SNTG1: variants seen among roughly 807,000 people sequenced by gnomAD.
The protein encoded by SNTG1 is syntrophin gamma 1.
A neutral mutation model predicts 74.7 loss-of-function variants in SNTG1; 39 were observed. The ratio of observed to expected loss-of-function variants is 0.52; its 90% CI spans 0.40 to 0.68. The LOEUF is 0.68. SNTG1 is among the 30% of genes least tolerant of loss of function. The pLI, the probability that SNTG1 is intolerant of heterozygous loss-of-function variation, is 0.00. For missense variants in SNTG1, 685 were observed against 609.5 expected, an observed-to-expected ratio of 1.12 and a Z score of -1.30; for synonymous variants, 254 against 217.1, an observed-to-expected ratio of 1.17 and a Z score of -1.49.
intron 12 of SNTG1, among the ~76,000 whole-genome samples, chr8:50,566,738 T>C (rs1256739815): frequency 6.6e-6 from 1 of 151,996 alleles, no homozygotes; most frequent in Non-Finnish European, 1.5e-5. Flanking sequence ...TTTTCAGAAG[T>C]CTTTTTGTGT....
intron 15 of SNTG1, among the ~76,000 whole-genome samples, chr8:50,681,008 T>C (rs1225619983): frequency 6.6e-6 from 1 of 152,184 alleles, no homozygotes; most frequent in Non-Finnish European, 1.5e-5. Context: ...ACTTTTGTTT[T>C]AGGAGAAATG....
chr8:50,204,280 G>C lies in SNTG1; in HGVS notation c.-28+31645G>C, dbSNP rs1036604734. ...CACTCTACCTAGGTCTGTACTAGAT[G>C]TATAGTACATATCTTTTTTTTGTCC... On this transcript the variant is annotated intron_variant, in intron 2 of 18. Transcript: ENST00000642720. Among the ~76,000 whole-genome samples the C allele has an allele frequency of 2.6e-5, 4 of 152,170 alleles. No individual in the cohort carries two copies. The East Asian group carries it at 7.7e-4, about 29-fold the overall frequency.
intron 1 of SNTG1, among the ~76,000 whole-genome samples, chr8:50,142,895 A>G (rs1324460494): frequency 6.6e-6 from 1 of 152,074 alleles, no homozygotes; most frequent in Non-Finnish European, 1.5e-5. Flanking sequence ...AACATAGTGA[A>G]ACCCCATCTT....
intron 1 of SNTG1, among the ~76,000 whole-genome samples, chr8:50,000,314 C>T (rs1814624827): frequency 6.6e-6 from 1 of 152,074 alleles, no homozygotes; most frequent in Non-Finnish European, 1.5e-5. Context: ...GCAGAAGTAT[C>T]ATCTAGTATA....
At chr8:50,362,487 C>G (rs2091987107) in intron 2 of SNTG1, among the ~76,000 whole-genome samples, 1 of 151,962 alleles carries the variant, frequency 6.6e-6, no homozygotes, top group Admixed American at 6.6e-5. Flanking sequence ...CTCTCATCCA[C>G]TTGTAACATG....
In SNTG1 at chr8:50,794,625, C is replaced by T. The variant is rs2095700400; in HGVS notation, c.*1796C>T. 1 of 151,954 alleles carries T rather than the reference C, an allele frequency of 6.6e-6. No homozygotes were observed. The highest frequency in any genetic ancestry group is 2.4e-5 in the African/African-American group (1 of 41,426). 9.4% of individuals were successfully genotyped at this position (151,954 alleles called of 1,614,324 possible). On this transcript the variant is annotated 3_prime_UTR_variant, in exon 19 of 19. Coordinates refer to ENST00000642720, the MANE Select transcript of SNTG1 (RefSeq NM_018967.5). Reference sequence around the variant, plus strand: ...CCAAAAGCAGCCTTCAGTAGTAGGCCACTTCTGAACTTATGGAGAAAAAGC... The same window carrying T: ...CCAAAAGCAGCCTTCAGTAGTAGGCTACTTCTGAACTTATGGAGAAAAAGC...
intron 1 of SNTG1, among the ~76,000 whole-genome samples, chr8:50,028,519 A>T (rs765168358): frequency 1.3e-5 from 2 of 150,970 alleles, no homozygotes; most frequent in Non-Finnish European, 3.0e-5. Flanking sequence ...GTGTATCTTT[A>T]AAAAAAAACT....
At chr8:50,038,110 A>T (rs1468410816) in intron 1 of SNTG1, among the ~76,000 whole-genome samples, 1 of 152,092 alleles carries the variant, frequency 6.6e-6, no homozygotes, top group African/African-American at 2.4e-5. Context: ...TGGCTCCATC[A>T]TTTTGTCCTG....
intron 1 of SNTG1, among the ~76,000 whole-genome samples, chr8:50,067,177 T>A (rs1481106281): frequency 1.3e-5 from 2 of 152,236 alleles, no homozygotes; most frequent in East Asian, 3.8e-4. Context: ...CTTTCATTTG[T>A]TTGTTACTTT....
Position 50,795,809 on chromosome 8 carries a change from T to G in SNTG1, c.*2980T>G, listed in dbSNP as rs1802784799. ...AATTTGTTAAAATGCAACAAGTATT[T>G]ATTTAAAAAATAGTTTAATAGATAG... On this transcript the variant is annotated 3_prime_UTR_variant, in exon 19 of 19. Transcript: ENST00000642720. The G allele has an allele frequency of 6.6e-6, 1 of 152,114 alleles. No homozygotes were observed. The allele number at this position is 152,114 out of a possible 1,614,324, so 9.4% of individuals were successfully genotyped here. A position where few individuals can be genotyped will look rare whatever the true frequency, so the allele number is the denominator to read the frequency against.
intron 2 of SNTG1, among the ~76,000 whole-genome samples, chr8:50,371,109 G>A (rs887824516): frequency 1.2e-4 from 18 of 152,152 alleles, no homozygotes; most frequent in African/African-American, 4.3e-4. Context: ...TGATTTTGGA[G>A]AAAAGCCCAG....
Position 50,095,952 on chromosome 8 carries a change from AATT to A in SNTG1, c.-102-76603_-102-76601del, listed in dbSNP as rs551166431. On this transcript the variant is annotated intron_variant, in intron 1 of 18. Coordinates refer to ENST00000642720, the MANE Select transcript of SNTG1 (RefSeq NM_018967.5). The stretch of plus-strand genomic sequence containing the variant: ...ATGTGAAAATTATCAGAACATTTTA[AATT>A]ATTATCTTAATTATTATTACCTGAA... 7.1e-4 allele frequency among the ~76,000 whole-genome samples: 101 copies of A among 143,232 alleles called. No homozygotes were observed. In the South Asian group the frequency reaches 8.7e-3, roughly 12 times the overall value. The allele number at this position is 143,232 out of a possible 152,430, so 94.0% of individuals were successfully genotyped here.
intron 1 of SNTG1, among the ~76,000 whole-genome samples, chr8:50,104,399 G>A (rs1425713831): frequency 1.3e-5 from 2 of 152,122 alleles, no homozygotes; most frequent in Non-Finnish European, 2.9e-5. Flanking sequence ...TGTGGGATCG[G>A]TGCTGATATC....
intron 1 of SNTG1, among the ~76,000 whole-genome samples, chr8:50,153,451 G>T (rs1447614961): frequency 6.6e-6 from 1 of 152,214 alleles, no homozygotes; most frequent in Non-Finnish European, 1.5e-5. Flanking sequence ...GCGAGGAGCT[G>T]TGTTCCTTTG....
intron 4 of SNTG1, among the ~76,000 whole-genome samples, chr8:50,433,600 C>T (rs2093267627): frequency 6.6e-6 from 1 of 151,514 alleles, no homozygotes; most frequent in Admixed American, 6.6e-5. Context: ...AAGTTAATTT[C>T]ACTCTTTTAC....
At chr8:50,409,939 A>G (rs2092926110) in intron 4 of SNTG1, among the ~76,000 whole-genome samples, 1 of 152,218 alleles carries the variant, frequency 6.6e-6, no homozygotes, top group African/African-American at 2.4e-5. Context: ...TAGCATCAAT[A>G]CAATCAGTAC....
chr8:50,597,658 T>G (rs2094740487), intron 13 of SNTG1, among the ~76,000 whole-genome samples: 1 of 151,918 alleles, frequency 6.6e-6, no homozygotes, highest in Non-Finnish European at 1.5e-5. Context: ...GTGTACCAAT[T>G]TACATTCCCA....
chr8:50,479,422 TC>T (rs761188290), intron 8 of SNTG1, among the ~76,000 whole-genome samples: 4 of 152,162 alleles, frequency 2.6e-5, no homozygotes, highest in Non-Finnish European at 5.9e-5. Flanking sequence ...AAAAATGCTT[TC>T]TTTCCTACAG....
chr8:50,379,143 G>T (rs769235203), intron 2 of SNTG1, among the ~76,000 whole-genome samples: 6 of 152,196 alleles, frequency 3.9e-5, no homozygotes, highest in Non-Finnish European at 5.9e-5. Flanking sequence ...GGTGCCCCAA[G>T]TCTGGAGGCA....
Sources: gnomAD v4.1 joint callset for allele counts (sites outside exome capture counted in the v4.1 genomes callset) on GRCh38, gnomAD v4.1.1 for gene constraint, MANE v1.5 for transcripts, NCBI Gene and HGNC (gene_info 2026-07-23, HGNC 2026-07-21) for gene names.